The following WWC2 variants were observed in gnomAD, a reference collection of about 807,000 sequenced individuals.
WWC2 encodes WW and C2 domain containing 2.
A neutral mutation model predicts 138.5 loss-of-function variants in WWC2; 101 were observed. The ratio of observed to expected loss-of-function variants is 0.73; its 90% CI spans 0.62 to 0.86. The LOEUF is 0.86. WWC2 is among the 40% of genes least tolerant of loss of function. The pLI, the probability that WWC2 is intolerant of heterozygous loss-of-function variation, is 0.00. For synonymous variants in WWC2, 558 were observed against 538.4 expected, an observed-to-expected ratio of 1.04 and a Z score of -0.50; for missense variants, 1,420 against 1,419.4, an observed-to-expected ratio of 1.00 and a Z score of -0.01.
intron 16 of WWC2, among the ~76,000 whole-genome samples, chr4:183,272,438 T>A (rs1737721196): frequency 6.6e-6 from 1 of 152,258 alleles, no homozygotes; most frequent in Non-Finnish European, 1.5e-5. Flanking sequence ...ATCATACATT[T>A]CACCCATTTA....
chr4:183,219,142 C>A (rs1338343631), intron 4 of WWC2, among the ~76,000 whole-genome samples: 1 of 152,014 alleles, frequency 6.6e-6, no homozygotes, highest in East Asian at 1.9e-4. Context: ...TAAGCAATTT[C>A]ATAGACACAG....
chr4:183,140,027 G>A (rs566395796), intron 1 of WWC2, among the ~76,000 whole-genome samples: 46 of 152,286 alleles, frequency 3.0e-4, no homozygotes, highest in African/African-American at 1.1e-3. Flanking sequence ...GGCCAAGCTG[G>A]TCTCGAACTC....
intron 1 of WWC2, among the ~76,000 whole-genome samples, chr4:183,130,011 C>T (rs768352777): frequency 6.6e-6 from 1 of 151,784 alleles, no homozygotes; most frequent in African/African-American, 2.4e-5. Context: ...GAAATGTAAG[C>T]GTATGCTCTT....
intron 1 of WWC2, among the ~76,000 whole-genome samples, chr4:183,192,430 G>T (rs558621060): frequency 6.6e-6 from 1 of 152,168 alleles, no homozygotes; most frequent in African/African-American, 2.4e-5. Flanking sequence ...CTTCTTTGGA[G>T]CCATCTCCAG....
intron 1 of WWC2, among the ~76,000 whole-genome samples, chr4:183,131,653 G>A (rs902776460): frequency 2.0e-5 from 3 of 152,158 alleles, no homozygotes; most frequent in African/African-American, 4.8e-5. Flanking sequence ...AACTGTCTTT[G>A]TGGAGTTTTG....
chr4:183,241,664 G>C (rs1199073205), intron 5 of WWC2, among the ~76,000 whole-genome samples: 9 of 152,104 alleles, frequency 5.9e-5, no homozygotes, highest in Non-Finnish European at 7.3e-5. Flanking sequence ...CTCAAGTCCA[G>C]CCCTGTTGTA....
intron 1 of WWC2, among the ~76,000 whole-genome samples, chr4:183,129,096 A>G (rs986137458): frequency 6.6e-6 from 1 of 152,232 alleles, no homozygotes; most frequent in African/African-American, 2.4e-5. Context: ...GATCAGAAGA[A>G]TAAGTTTTGC....
At chr4:183,112,834 A>AG (rs1732277979) in intron 1 of WWC2, among the ~76,000 whole-genome samples, 1 of 152,196 alleles carries the variant, frequency 6.6e-6, no homozygotes, top group South Asian at 2.1e-4. Flanking sequence ...GAGGATAAGA[A>AG]GGAGCCATTC....
chr4:183,233,756 C>A (rs1193754913), intron 4 of WWC2: 1 of 152,122 alleles, frequency 6.6e-6, no homozygotes, highest in African/African-American at 2.4e-5. Flanking sequence ...ATTCTGAATT[C>A]TTTGACTATC....
intron 4 of WWC2, among the ~76,000 whole-genome samples, chr4:183,233,474 G>T (rs1736323054): frequency 6.6e-6 from 1 of 152,018 alleles, no homozygotes; most frequent in Non-Finnish European, 1.5e-5. Context: ...TTAATTATTT[G>T]TGGAGATCTA....
chr4:183,134,550 G>A (rs2111080495), intron 1 of WWC2, among the ~76,000 whole-genome samples: 1 of 152,142 alleles, frequency 6.6e-6, no homozygotes, highest in East Asian at 1.9e-4. Context: ...ACAGACAACT[G>A]TTCTGTATAT....
chr4:183,118,067 G>C (rs1046765714), intron 1 of WWC2, among the ~76,000 whole-genome samples: 9 of 152,168 alleles, frequency 5.9e-5, no homozygotes, highest in African/African-American at 2.2e-4. Flanking sequence ...CAAAGTGCTG[G>C]GATTACAGGA....
chr4:183,130,197 C>T (rs1375928843), intron 1 of WWC2, among the ~76,000 whole-genome samples: 4 of 151,942 alleles, frequency 2.6e-5, no homozygotes, highest in East Asian at 3.9e-4. Flanking sequence ...GGACTACAGG[C>T]GCCCGCCACC....
intron 17 of WWC2, among the ~76,000 whole-genome samples, chr4:183,281,961 C>T (rs1738090763): frequency 6.6e-6 from 1 of 152,180 alleles, no homozygotes; most frequent in African/African-American, 2.4e-5. Context: ...CTTGTGTTCA[C>T]TTCATGGCTA....
intron 6 of WWC2, among the ~76,000 whole-genome samples, chr4:183,247,764 T>C (rs1736845625): frequency 7.3e-6 from 1 of 136,068 alleles, no homozygotes; most frequent in South Asian, 2.3e-4. Context: ...AATATATATA[T>C]AATATATATA....
At chr4:183,241,085 G>T (rs562902392) in intron 5 of WWC2, among the ~76,000 whole-genome samples, 2 of 152,276 alleles carry the variant, frequency 1.3e-5, no homozygotes, top group East Asian at 3.9e-4. Context: ...ACATGACCAC[G>T]GAGAGGAGTT....
At chr4:183,128,509 T>G (rs1732829558) in intron 1 of WWC2, among the ~76,000 whole-genome samples, 1 of 152,200 alleles carries the variant, frequency 6.6e-6, no homozygotes. Flanking sequence ...AGCAAGATCC[T>G]GTCTTAAAAA....
At chr4:183,221,807 G>A (rs1364787338) in intron 4 of WWC2, among the ~76,000 whole-genome samples, 9 of 152,174 alleles carry the variant, frequency 5.9e-5, no homozygotes, top group Admixed American at 5.9e-4. Context: ...CTATGGGAAT[G>A]CAAAATGGTA....
chr4:183,287,997 G>C lies in WWC2; in HGVS notation c.3142-1396G>C, dbSNP rs1429636890. On this transcript the variant is annotated intron_variant, in intron 20 of 22. Coordinates refer to ENST00000403733, the MANE Select transcript of WWC2 (RefSeq NM_024949.6). ...TTACCAGCAGACTCTTGTATGTGGA[G>C]TCCTTAGGCTCTGTGTGCATGACAG... 1.3e-5 allele frequency among the ~76,000 whole-genome samples: 2 copies of C among 152,204 alleles called. 1 individual carries two copies. The highest frequency in any genetic ancestry group is 4.8e-5 in the African/African-American group (2 of 41,450).
Sources: allele counts gnomAD v4.1 joint callset (sites outside exome capture counted in the v4.1 genomes callset), GRCh38; gene constraint gnomAD v4.1.1; transcripts MANE v1.5; gene names NCBI Gene and HGNC (gene_info 2026-07-23, HGNC 2026-07-21).